The following ARHGAP32 variants were observed in gnomAD, a reference collection of about 807,000 sequenced individuals.
ARHGAP32 encodes Rho GTPase activating protein 32, also known as rho GTPase-activating protein 32.
In ARHGAP32, 51 loss-of-function variants were observed where a neutral mutation model predicts 186.5. That is an observed-to-expected ratio of 0.27 (90% CI 0.22 to 0.35). ARHGAP32 has a LOEUF of 0.35. ARHGAP32 is among the 10% of genes least tolerant of loss of function. The pLI, the probability that ARHGAP32 is intolerant of heterozygous loss-of-function variation, is 1.00. For synonymous variants in ARHGAP32, 950 were observed against 964.3 expected (o/e 0.99, Z 0.27); for missense variants, 2,186 against 2,623.5 (o/e 0.83, Z 3.64).
intron 5 of ARHGAP32, among the ~76,000 whole-genome samples, chr11:129,108,093 G>C (rs1942100164): frequency 6.6e-6 from 1 of 151,854 alleles, no homozygotes; most frequent in Non-Finnish European, 1.5e-5. Context: ...AAAAATGGGG[G>C]CAAAAAATAT....
At chr11:129,035,058 C>G (rs11221543) in intron 11 of ARHGAP32, among the ~76,000 whole-genome samples, 22,850 of 152,032 alleles carry the variant, frequency 0.15, 1,937 homozygotes, top group African/African-American at 0.22. Flanking sequence ...AAAACATGTG[C>G]TTCCCCTTCC....
At chr11:129,121,652 C>T (rs1942533963) in intron 5 of ARHGAP32, among the ~76,000 whole-genome samples, 1 of 152,060 alleles carries the variant, frequency 6.6e-6, no homozygotes, top group Non-Finnish European at 1.5e-5. Context: ...GGGTCACAAA[C>T]TGAGTTAGTA....
intron 21 of ARHGAP32, 62 bp downstream of exon 21, chr11:128,974,062 T>A (rs768065311): frequency 6.4e-7 from 1 of 1,562,278 alleles, no homozygotes. Flanking sequence ...AAGGCACAGA[T>A]GGCACACAGG....
Position 129,101,520 on chromosome 11 carries a change from T to C in ARHGAP32, c.445-7813A>G, listed in dbSNP as rs142457308. The stretch of plus-strand genomic sequence containing the variant: ...ATAGAAAATAATGTAACCAACCTGA[T>C]AGAGCTGAAAAACACACTACAAGAA... On this transcript the variant is annotated intron_variant, in intron 5 of 22. Transcript: ENST00000682385. Among the ~76,000 whole-genome samples, 66 of 152,200 alleles carry C rather than the reference T, an allele frequency of 4.3e-4. No homozygotes were observed. In the East Asian group the frequency reaches 9.8e-3, roughly 23 times the overall value.
At chr11:128,973,592 A>AAACACATCTGGTTCAG (rs902564226) in intron 21 of ARHGAP32, 160 bp from the exon 22 acceptor site, 13 of 725,174 alleles carry the variant, frequency 1.8e-5, no homozygotes, top group Non-Finnish European at 2.7e-5. Context: ...ATGCTGTTGA[A>AAACACATCTGGTTCAG]AACACATCTG....
chr11:129,270,763 C>T (rs887260166), intron 1 of ARHGAP32, among the ~76,000 whole-genome samples: 2 of 151,766 alleles, frequency 1.3e-5, no homozygotes, highest in African/African-American at 4.8e-5. Context: ...GAGACTGTGG[C>T]TCAGTGAACA....
chr11:129,052,998 A>G (rs1303049042), intron 10 of ARHGAP32, among the ~76,000 whole-genome samples: 1 of 152,158 alleles, frequency 6.6e-6, no homozygotes, highest in Non-Finnish European at 1.5e-5. Context: ...AATAATTTCT[A>G]TAAAATTGAG....
intron 12 of ARHGAP32, among the ~76,000 whole-genome samples, chr11:128,988,816 G>T (rs1360219384): frequency 1.3e-5 from 2 of 152,190 alleles, no homozygotes; most frequent in Non-Finnish European, 2.9e-5. Flanking sequence ...ACACTGGACA[G>T]CTATGCTGGG....
chr11:128,970,759 G>T lies in ARHGAP32; in HGVS notation c.4454C>A (p.Thr1485Lys), dbSNP rs1395012633. ...GGGCCTAGCAAAGGAGGAGTAAACT[G>T]TTTTCTGAGAAGCATGCTTAGGTTG... Reference protein sequence around the residue: ...VPQPKHASQKTVYSSFARPDV... With the variant: ...VPQPKHASQKKVYSSFARPDV... Residue 1485 changes from threonine (T) to lysine (K), a missense_variant, in exon 23 of 23, where the codon ACA (threonine) becomes AAA (lysine). By Grantham distance (78) the Thr-to-Lys change is moderately conservative (BLOSUM62 -1). This residue lies in a region of ARHGAP32 where 1,502 missense variants were observed against 1,570.0 expected (regional missense o/e 0.96). Transcript: ENST00000682385. The surrounding 1 kb of genome is among the most constrained non-coding windows in gnomAD (Gnocchi z 5.8). 6.2e-7 allele frequency: 1 copy of T among 1,614,194 alleles called. No homozygotes were observed. The highest frequency in any genetic ancestry group is 8.5e-7 in the Non-Finnish European group (1 of 1,180,034).
At chr11:129,173,140 C>A (rs1043441081) in intron 1 of ARHGAP32, among the ~76,000 whole-genome samples, 2 of 151,706 alleles carry the variant, frequency 1.3e-5, no homozygotes, top group African/African-American at 4.8e-5. Flanking sequence ...CACCACTGAC[C>A]CCACAGAAAT....
At chr11:128,990,472 T>C (rs1946016050) in intron 12 of ARHGAP32, among the ~76,000 whole-genome samples, 1 of 152,152 alleles carries the variant, frequency 6.6e-6, no homozygotes, top group Admixed American at 6.6e-5. Flanking sequence ...CATTATCTGG[T>C]CAAGTTAGCA....
Position 128,969,936 on chromosome 11 carries a change from C to G in ARHGAP32, c.5277G>C (p.Glu1759Asp). The G allele has an allele frequency of 3.7e-6, 6 of 1,614,224 alleles. No homozygotes were observed. The highest frequency in any genetic ancestry group is 5.1e-6 in the Non-Finnish European group (6 of 1,180,044). The change falls in exon 23 of 23, where the codon GAG becomes GAC. Residue 1759 changes from glutamate (E) to aspartate (D), a missense_variant. By Grantham distance (45) the Glu-to-Asp change is conservative (BLOSUM62 2). Coordinates refer to ENST00000682385, the MANE Select transcript of ARHGAP32 (RefSeq NM_001378024.1). This position sits in a 1 kb window ranked among gnomAD's most constrained non-coding sequence, Gnocchi z 4.8. ...ACTGCATGCGGTATTTTTCCATGTC[C>G]TCAAGATCCCATGAGGTGTAGGTGT... Reference protein sequence around the residue: ...VKHTYTSWDLEDMEKYRMQSI... With the variant: ...VKHTYTSWDLDDMEKYRMQSI...
At chr11:129,174,492 CACAG>C (rs1229977169) in intron 1 of ARHGAP32, among the ~76,000 whole-genome samples, 15 of 152,154 alleles carry the variant, frequency 9.9e-5, no homozygotes, top group Admixed American at 9.8e-4. Flanking sequence ...GGGGGCAGGG[CACAG>C]ACAAATAAAA....
At chr11:129,041,578 C>T (rs533594139) in intron 10 of ARHGAP32, among the ~76,000 whole-genome samples, 8 of 150,456 alleles carry the variant, frequency 5.3e-5, no homozygotes, top group African/African-American at 2.0e-4. Context: ...CTTTTAAAAA[C>T]TAGTAGCGCA....
intron 5 of ARHGAP32, among the ~76,000 whole-genome samples, chr11:129,099,870 A>C (rs992943628): frequency 6.6e-6 from 1 of 152,028 alleles, no homozygotes; most frequent in African/African-American, 2.4e-5. Context: ...CAGAGTGTAC[A>C]CAAGGAAGAC....
intron 12 of ARHGAP32, 148 bp downstream of exon 12, chr11:128,998,170 AG>A: frequency 1.8e-6 from 1 of 553,170 alleles, no homozygotes; most frequent in Non-Finnish European, 2.8e-6. Context: ...AGCTCCATCC[AG>A]AACTGAGTAC....
intron 5 of ARHGAP32, among the ~76,000 whole-genome samples, chr11:129,095,900 C>A (rs1941715161): frequency 1.3e-5 from 2 of 152,220 alleles, no homozygotes; most frequent in South Asian, 4.1e-4. Context: ...CACCACTCTT[C>A]AGTTTTCCTT....
chr11:129,183,499 C>T (rs1277665410), intron 1 of ARHGAP32, among the ~76,000 whole-genome samples: 1 of 152,102 alleles, frequency 6.6e-6, no homozygotes, highest in Non-Finnish European at 1.5e-5. Flanking sequence ...TGATGTTTTA[C>T]ATTTTTATCA....
intron 2 of ARHGAP32, among the ~76,000 whole-genome samples, chr11:129,136,035 A>G (rs562425435): frequency 6.6e-6 from 1 of 152,308 alleles, no homozygotes; most frequent in South Asian, 2.1e-4. Flanking sequence ...TCAAAAAGAT[A>G]AGTCAGAGTC....
Sources: gnomAD v4.1 joint callset for allele counts (sites outside exome capture counted in the v4.1 genomes callset) on GRCh38, gnomAD v4.1.1 for gene constraint, gnomAD v4.1.1 regional missense constraint, Gnocchi (gnomAD v3.1) non-coding constraint, MANE v1.5 for transcripts, NCBI Gene and HGNC (gene_info 2026-07-23, HGNC 2026-07-21) for gene names.